Variants in TMEM65 observed in about 807,000 individuals in gnomAD.
The protein encoded by TMEM65 is transmembrane protein 65.
TMEM65 carries 22 observed loss-of-function variants against 25.4 expected under a neutral mutation model. The observed-to-expected ratio is 0.86, with a 90% CI of 0.62 to 1.23. The LOEUF (loss-of-function observed/expected upper bound fraction) is 1.23. Ranked by LOEUF, TMEM65 falls within the 50% of genes most tolerant of loss-of-function variation. The pLI is 0.00. For synonymous variants in TMEM65, 132 were observed against 126.2 expected (o/e 1.05, Z -0.31); for missense variants, 262 against 308.2 (o/e 0.85, Z 1.12).
chr8:124,350,105 T>G (rs1000675354), intron 1 of TMEM65, among the ~76,000 whole-genome samples: 7 of 139,040 alleles, frequency 5.0e-5, no homozygotes, highest in Admixed American at 1.5e-4. Context: ...TTGCAGACAA[T>G]GTACTAATAC....
At chr8:124,346,005 A>G (rs1223505682) in intron 1 of TMEM65, among the ~76,000 whole-genome samples, 1 of 152,154 alleles carries the variant, frequency 6.6e-6, no homozygotes, top group Non-Finnish European at 1.5e-5. Context: ...TCGGCCTCCC[A>G]TAGTGCTGGG....
In TMEM65 at chr8:124,327,431, A is replaced by T; in HGVS notation, c.350-10T>A. 6.4e-7 allele frequency: 1 copy of T among 1,565,988 alleles called. No individual in the cohort carries two copies. Among genetic ancestry groups the T allele is most frequent in the Non-Finnish European group, 8.7e-7 (1 of 1,153,836 alleles). ...GCATTGTGGATGAATACTGAAAAAC[A>T]TCAAAAACAGAAAAATATATTTTAA... On this transcript the variant is annotated splice_polypyrimidine_tract_variant and intron_variant, in intron 2 of 6. Coordinates refer to ENST00000297632, the MANE Select transcript of TMEM65 (RefSeq NM_194291.3).
chr8:124,367,566 TC>T (rs1407681462), intron 1 of TMEM65, among the ~76,000 whole-genome samples: 4 of 152,202 alleles, frequency 2.6e-5, no homozygotes, highest in Non-Finnish European at 5.9e-5. Flanking sequence ...TTGTTAAAGG[TC>T]CAAGATCTCT....
intron 4 of TMEM65, among the ~76,000 whole-genome samples, chr8:124,322,464 G>A (rs1320136042): frequency 6.6e-6 from 1 of 152,096 alleles, no homozygotes; most frequent in Admixed American, 6.5e-5. Flanking sequence ...AAAGTTGCAT[G>A]TACAGCTATG....
At chr8:124,364,758 A>G (rs1361235364) in intron 1 of TMEM65, among the ~76,000 whole-genome samples, 1 of 152,196 alleles carries the variant, frequency 6.6e-6, no homozygotes, top group Admixed American at 6.5e-5. Flanking sequence ...ATATATAACT[A>G]CTTGTTTTTA....
intron 1 of TMEM65, among the ~76,000 whole-genome samples, chr8:124,345,130 T>A (rs545143607): frequency 6.6e-6 from 1 of 152,322 alleles, no homozygotes; most frequent in Admixed American, 6.5e-5. Flanking sequence ...TATATTCTTG[T>A]AACAAGTAGC....
intron 1 of TMEM65, among the ~76,000 whole-genome samples, chr8:124,346,079 T>G (rs541075062): frequency 5.4e-4 from 82 of 152,300 alleles, no homozygotes; most frequent in African/African-American, 1.9e-3. Flanking sequence ...CAGTTCCGCA[T>G]AGCTGGGAAG....
intron 1 of TMEM65, among the ~76,000 whole-genome samples, chr8:124,354,223 C>G (rs1814747805): frequency 6.6e-6 from 1 of 152,102 alleles, no homozygotes; most frequent in Non-Finnish European, 1.5e-5. Context: ...AGGAACTGTT[C>G]CAGATGGATG....
In TMEM65 at chr8:124,307,033, A is replaced by C. The variant is rs1814099406; in HGVS notation, c.*6927T>G. The C allele has an allele frequency of 6.6e-6, 1 of 152,218 alleles. No individual in the cohort carries two copies. Among genetic ancestry groups the C allele is most frequent in the South Asian group, 2.1e-4 (1 of 4,834 alleles). 9.4% of individuals were successfully genotyped at this position (152,218 alleles called of 1,614,324 possible). On this transcript the variant is annotated 3_prime_UTR_variant, in exon 7 of 7. Coordinates refer to ENST00000297632, the MANE Select transcript of TMEM65 (RefSeq NM_194291.3). ...GCCATTTGCAGTTGAGACAAACATA[A>C]AGATGCAGTACTAAATTACAACTGG...
chr8:124,348,995 C>T (rs1586468591), intron 1 of TMEM65, among the ~76,000 whole-genome samples: 1 of 152,148 alleles, frequency 6.6e-6, no homozygotes, highest in Non-Finnish European at 1.5e-5. Context: ...AGCCCAAATA[C>T]CAGAAGCACA....
At chr8:124,358,469 G>A (rs1034345926) in intron 1 of TMEM65, among the ~76,000 whole-genome samples, 3 of 152,166 alleles carry the variant, frequency 2.0e-5, no homozygotes, top group Non-Finnish European at 2.9e-5. Flanking sequence ...ACAAATAGCC[G>A]AGTCTCAGCC....
chr8:124,316,403 AT>A (rs1203098637), intron 6 of TMEM65, among the ~76,000 whole-genome samples: 1 of 152,200 alleles, frequency 6.6e-6, no homozygotes, highest in Non-Finnish European at 1.5e-5. Flanking sequence ...TATTTATTCT[AT>A]CATGGGTAAA....
Position 124,310,957 on chromosome 8 carries a change from T to C in TMEM65, c.*3003A>G, listed in dbSNP as rs1204767912. ...AAAGGTTATATTATATTTAATATAC[T>C]GTCTTAAGATGGCGAGAAAATATAA... On this transcript the variant is annotated 3_prime_UTR_variant, in exon 7 of 7. Coordinates refer to ENST00000297632, the MANE Select transcript of TMEM65 (RefSeq NM_194291.3). The C allele has an allele frequency of 6.6e-6, 1 of 152,198 alleles. No individual in the cohort carries two copies. Among genetic ancestry groups the C allele is most frequent in the African/African-American group, 2.4e-5 (1 of 41,452 alleles). 9.4% of individuals were successfully genotyped at this position (152,198 alleles called of 1,614,324 possible). A position where few individuals can be genotyped will look rare whatever the true frequency, so the allele number is the denominator to read the frequency against.
At chr8:124,325,501 A>T (rs2131200041) in intron 3 of TMEM65, among the ~76,000 whole-genome samples, 1 of 152,166 alleles carries the variant, frequency 6.6e-6, no homozygotes, top group South Asian at 2.1e-4. Flanking sequence ...CAGTGGCTTA[A>T]ACATTTATTT....
intron 1 of TMEM65, among the ~76,000 whole-genome samples, chr8:124,333,794 C>CTG (rs1814467204): frequency 6.6e-6 from 1 of 152,156 alleles, no homozygotes; most frequent in Non-Finnish European, 1.5e-5. Context: ...TTTGTTGCAG[C>CTG]TTTCAGCCTG....
intron 1 of TMEM65, among the ~76,000 whole-genome samples, chr8:124,353,144 A>G (rs978237245): frequency 2.0e-5 from 3 of 152,074 alleles, no homozygotes; most frequent in Middle Eastern, 3.4e-3. Flanking sequence ...AACAAAAAAA[A>G]GAACCAGTTG....
chr8:124,314,003 A>G lies in TMEM65; in HGVS notation c.680T>C (p.Phe227Ser). 6.2e-7 allele frequency: 1 copy of G among 1,613,624 alleles called. No individual in the cohort carries two copies. ...TTTTTCATCTTCTTCACCTCCTCCA[A>G]AGAAAATTAAAGGAAACATTCCTAG... ...CILGMFPLIF[F>S]GGGEEDEKLE... Residue 227 changes from phenylalanine (F) to serine (S), a missense_variant, in exon 7 of 7, where the codon TTT (phenylalanine) becomes TCT (serine). By Grantham distance (155) the Phe-to-Ser change is radical. Coordinates refer to ENST00000297632, the MANE Select transcript of TMEM65 (RefSeq NM_194291.3).
At chr8:124,336,251 C>T (rs1814504961) in intron 1 of TMEM65, among the ~76,000 whole-genome samples, 1 of 152,022 alleles carries the variant, frequency 6.6e-6, no homozygotes, top group Non-Finnish European at 1.5e-5. Context: ...AAAACAAACA[C>T]TTCCATAATC....
intron 6 of TMEM65, among the ~76,000 whole-genome samples, chr8:124,318,754 T>G (rs1258812784): frequency 6.6e-6 from 1 of 152,166 alleles, no homozygotes; most frequent in Non-Finnish European, 1.5e-5. Context: ...CAGGTAATGT[T>G]GATCCTGCTG....
Sources: gnomAD v4.1 joint callset for allele counts (sites outside exome capture counted in the v4.1 genomes callset) on GRCh38, gnomAD v4.1.1 for gene constraint, MANE v1.5 for transcripts, NCBI Gene and HGNC (gene_info 2026-07-23, HGNC 2026-07-21) for gene names.